Variants in SMYD3 observed in about 807,000 individuals in gnomAD.
SMYD3 encodes SET and MYND domain containing 3.
In SMYD3, 36 loss-of-function variants were observed where a neutral mutation model predicts 57.7. The ratio of observed to expected loss-of-function variants is 0.62; its 90% CI spans 0.48 to 0.82. The LOEUF is 0.82. SMYD3 is among the 40% of genes least tolerant of loss of function. The pLI is 0.00. For synonymous variants in SMYD3, 211 were observed against 195.0 expected, an observed-to-expected ratio of 1.08 and a Z score of -0.68; for missense variants, 515 against 538.8, an observed-to-expected ratio of 0.96 and a Z score of 0.44.
At chr1:246,336,255 C>T (rs962350520) in intron 2 of SMYD3, among the ~76,000 whole-genome samples, 1 of 152,144 alleles carries the variant, frequency 6.6e-6, no homozygotes, top group African/African-American at 2.4e-5. Context: ...GGCGACGGCT[C>T]CTTTCACACG....
intron 5 of SMYD3, among the ~76,000 whole-genome samples, chr1:246,099,263 T>C (rs1461631725): frequency 2.0e-5 from 3 of 152,182 alleles, no homozygotes; most frequent in Non-Finnish European, 4.4e-5. Flanking sequence ...TCTAAGTTAT[T>C]AGTGAAGGGA....
At chr1:246,426,516 G>A (rs78486697) in intron 1 of SMYD3, among the ~76,000 whole-genome samples, 4,367 of 152,144 alleles carry the variant, frequency 0.029, 103 homozygotes, top group Non-Finnish European at 0.043. Flanking sequence ...TATGACATGC[G>A]GTCTTTTATG....
At chr1:246,240,717 C>A (rs914160585) in intron 5 of SMYD3, among the ~76,000 whole-genome samples, 1 of 152,200 alleles carries the variant, frequency 6.6e-6, no homozygotes, top group South Asian at 2.1e-4. Context: ...TTCTTCCTAT[C>A]CATGAGCATG....
In SMYD3 at chr1:246,347,945, G is replaced by A. The variant is rs959001944; in HGVS notation, c.228+7086C>T. ...TGGGTATATACCCAAAGGAAGATAA[G>A]TCATTCTACCAAAAAGACACATGTA... is the stretch of plus-strand genomic sequence containing the variant. On this transcript the variant is annotated intron_variant, in intron 2 of 11. Coordinates refer to ENST00000490107, the MANE Select transcript of SMYD3 (RefSeq NM_001167740.2). Among the ~76,000 whole-genome samples, 4 of 151,568 alleles carry A rather than the reference G, an allele frequency of 2.6e-5. No homozygotes were observed. In the East Asian group the frequency reaches 7.8e-4, roughly 29 times the overall value.
At position 246,363,481 on chromosome 1, in the gene SMYD3, G is replaced by C. The variant is rs1431904823; in HGVS notation, c.165-8387C>G. Among the ~76,000 whole-genome samples the C allele has an allele frequency of 3.1e-4, 47 of 152,248 alleles. No homozygotes were observed. In the East Asian group the frequency reaches 8.9e-3, roughly 29 times the overall value. On this transcript the variant is annotated intron_variant, in intron 1 of 11. Transcript: ENST00000490107. ...ATGGCGGTTTTGTGGAATAGAAAAG[G>C]GGGAAAGGTGGGGAAAAAACTGAGA...
At chr1:246,326,597 A>AC (rs2065356075) in intron 5 of SMYD3, among the ~76,000 whole-genome samples, 1 of 102,540 alleles carries the variant, frequency 9.8e-6, no homozygotes, top group Admixed American at 1.0e-4. Context: ...TACAAAAACA[A>AC]AAAAAAAAAA....
chr1:246,246,553 T>C (rs1374366875), intron 5 of SMYD3, among the ~76,000 whole-genome samples: 1 of 152,168 alleles, frequency 6.6e-6, no homozygotes, highest in Non-Finnish European at 1.5e-5. Context: ...TTCTGGGTTA[T>C]GTATGCATTT....
At chr1:245,768,505 TAC>T (rs2046209925) in intron 10 of SMYD3, among the ~76,000 whole-genome samples, 2 of 152,232 alleles carry the variant, frequency 1.3e-5, no homozygotes, top group Admixed American at 1.3e-4. Flanking sequence ...ATTATTCCGT[TAC>T]AGATGGCAGC....
intron 5 of SMYD3, chr1:246,326,743 G>A (rs971041940): frequency 3.7e-6 from 1 of 273,590 alleles, no homozygotes. Flanking sequence ...AAGCCTGGGT[G>A]ACAGAACGAG....
chr1:246,348,039 G>T (rs1318014759), intron 2 of SMYD3, among the ~76,000 whole-genome samples: 1 of 79,246 alleles, frequency 1.3e-5, no homozygotes, highest in African/African-American at 4.4e-5. Context: ...CCCATCATTG[G>T]TGGACTGAAT....
intron 7 of SMYD3, among the ~76,000 whole-genome samples, chr1:245,921,124 A>G (rs1304678365): frequency 6.6e-6 from 1 of 152,260 alleles, no homozygotes; most frequent in Non-Finnish European, 1.5e-5. Flanking sequence ...GGCCAAAGAC[A>G]TGAGCAGACA....
intron 10 of SMYD3, among the ~76,000 whole-genome samples, chr1:245,833,422 G>A (rs537812877): frequency 1.3e-5 from 2 of 152,228 alleles, no homozygotes; most frequent in South Asian, 2.1e-4. Context: ...GTCTTGAAGC[G>A]TCCTGGCCAA....
At chr1:245,944,123 T>C (rs1289150357) in intron 5 of SMYD3, among the ~76,000 whole-genome samples, 1 of 152,108 alleles carries the variant, frequency 6.6e-6, no homozygotes, top group Non-Finnish European at 1.5e-5. Context: ...CAACACAGTA[T>C]TGGAAGTTCT....
chr1:246,438,142 G>A (rs2067408284), intron 1 of SMYD3, among the ~76,000 whole-genome samples: 2 of 152,160 alleles, frequency 1.3e-5, no homozygotes, highest in Admixed American at 1.3e-4. Context: ...GGAGATGCAT[G>A]TTAAGTTTGA....
At chr1:246,255,933 GATAGATAGATAGATA>G (rs1558353900) in intron 5 of SMYD3, among the ~76,000 whole-genome samples, 95 of 117,990 alleles carry the variant, frequency 8.1e-4, no homozygotes, top group African/African-American at 2.2e-3. Context: ...TAATAAGATA[GATAGATAGATAGATA>G]GATAGATAGA....
At position 246,352,159 on chromosome 1, in the gene SMYD3, A is replaced by AAAAC. The variant is rs1553337000; in HGVS notation, c.228+2871_228+2872insGTTT. Among the ~76,000 whole-genome samples the AAAAC allele has an allele frequency of 2.3e-3, 322 of 137,932 alleles. 6 individuals carry two copies. Among genetic ancestry groups the AAAAC allele is most frequent in the African/African-American group, 8.2e-3 (303 of 36,764 alleles). The allele number at this position is 137,932 out of a possible 152,430, so 90.5% of individuals were successfully genotyped here. On this transcript the variant is annotated intron_variant, in intron 2 of 11. Coordinates refer to ENST00000490107, the MANE Select transcript of SMYD3 (RefSeq NM_001167740.2). ...CTCAAAAAAAAAAAAAAAAAAAAAA[A>AAAAC]AAAACATAAAGAAAGAAATGTGAAT...
chr1:245,827,810 G>A (rs1480881135), intron 10 of SMYD3, among the ~76,000 whole-genome samples: 3 of 152,174 alleles, frequency 2.0e-5, no homozygotes, highest in Non-Finnish European at 2.9e-5. Flanking sequence ...GAGACCCAGA[G>A]ATGTGAGGTC....
chr1:246,153,834 T>C (rs556020451), intron 5 of SMYD3, among the ~76,000 whole-genome samples: 2 of 152,250 alleles, frequency 1.3e-5, no homozygotes, highest in African/African-American at 4.8e-5. Flanking sequence ...AACACTTTAT[T>C]TATCCCTTAA....
intron 1 of SMYD3, among the ~76,000 whole-genome samples, chr1:246,461,201 C>A (rs973369257): frequency 1.3e-5 from 2 of 152,148 alleles, no homozygotes; most frequent in Admixed American, 1.3e-4. Context: ...TTAATTCAAG[C>A]ATGTTTATTC....
Sources: gnomAD v4.1 joint callset for allele counts (sites outside exome capture counted in the v4.1 genomes callset) on GRCh38, gnomAD v4.1.1 for gene constraint, MANE v1.5 for transcripts, NCBI Gene and HGNC (gene_info 2026-07-23, HGNC 2026-07-21) for gene names.